The following TEKTL1 variants were observed in gnomAD, a reference collection of about 807,000 sequenced individuals.
TEKTL1 encodes the protein tektin-like protein 1.
At chr19:15,021,549 G>A in the TEKTL1 span, 1 of 1,613,430 alleles carries the variant, frequency 6.2e-7, no homozygotes, top group Non-Finnish European at 8.5e-7. Context: ...CTGCGGGCCA[G>A]GGTGGGACAG....
chr19:15,019,489 A>G, the TEKTL1 span, among the ~76,000 whole-genome samples: 4 of 152,214 alleles, frequency 2.6e-5, no homozygotes, highest in Non-Finnish European at 5.9e-5. Flanking sequence ...ATCACATTGC[A>G]TGCCATAAAT....
chr19:15,013,717 C>T, the TEKTL1 span: 1 of 1,613,770 alleles, frequency 6.2e-7, no homozygotes, highest in South Asian at 1.1e-5. Flanking sequence ...GAAAGAGGAG[C>T]TGAAAAGCAT....
the TEKTL1 span, chr19:15,011,245 C>T: frequency 2.7e-6 from 4 of 1,499,922 alleles, no homozygotes; most frequent in Admixed American, 4.8e-5. Context: ...CCGCCCGCCT[C>T]GGCCGCGCGC....
At chr19:15,011,064 G>T in the TEKTL1 span, 1 of 1,577,046 alleles carries the variant, frequency 6.3e-7, no homozygotes, top group Non-Finnish European at 8.6e-7. Context: ...ATGATCAAAG[G>T]CGGCGGCACC....
chr19:15,022,433 A>T, the TEKTL1 span, among the ~76,000 whole-genome samples: 1 of 151,968 alleles, frequency 6.6e-6, no homozygotes, highest in Non-Finnish European at 1.5e-5. Context: ...GGTTCAAGCG[A>T]TTCTCCTGCC....
the TEKTL1 span, among the ~76,000 whole-genome samples, chr19:15,015,123 G>T: frequency 6.6e-6 from 1 of 152,154 alleles, no homozygotes; most frequent in African/African-American, 2.4e-5. Flanking sequence ...GGAGTTCAAG[G>T]CTGCAGTGAG....
the TEKTL1 span, chr19:15,023,055 G>T: frequency 1.2e-6 from 2 of 1,611,598 alleles, no homozygotes; most frequent in South Asian, 1.1e-5. Context: ...CAGGCGCAGC[G>T]CCTGGTTAAG....
At chr19:15,020,426 T>C in the TEKTL1 span, 3 of 1,589,202 alleles carry the variant, frequency 1.9e-6, no homozygotes, top group South Asian at 1.1e-5. Flanking sequence ...AACCTCCCAG[T>C]TCTCACTCTG....
chr19:15,012,933 C>A, the TEKTL1 span, among the ~76,000 whole-genome samples: 4 of 151,752 alleles, frequency 2.6e-5, no homozygotes, highest in African/African-American at 9.7e-5. Context: ...GAAACTCCCC[C>A]CCAGAATGTT....
the TEKTL1 span, chr19:15,010,953 C>T: frequency 6.3e-7 from 1 of 1,590,452 alleles, no homozygotes. Context: ...GGGCAGGAGG[C>T]GGTGACCATG....
the TEKTL1 span, chr19:15,010,911 C>T: frequency 6.4e-7 from 1 of 1,573,206 alleles, no homozygotes; most frequent in South Asian, 1.2e-5. Flanking sequence ...CAGGCCATGG[C>T]GAGGACCGCG....
the TEKTL1 span, chr19:15,010,854 G>C: frequency 6.5e-7 from 1 of 1,548,520 alleles, no homozygotes; most frequent in East Asian, 2.4e-5. Flanking sequence ...CCGGCTGAGC[G>C]CAGCCAGGAC....
chr19:15,013,568 A>G, the TEKTL1 span: 1 of 792,530 alleles, frequency 1.3e-6, no homozygotes, highest in Non-Finnish European at 2.0e-6. Context: ...TCATCCTTCA[A>G]ACTCAGAGTT....
At chr19:15,020,307 CAA>C in the TEKTL1 span, among the ~76,000 whole-genome samples, 32 of 139,098 alleles carry the variant, frequency 2.3e-4, no homozygotes, top group South Asian at 4.5e-4. Context: ...GATTTTGTCT[CAA>C]AAAAAAAAAA....
At chr19:15,016,893 A>G in the TEKTL1 span, among the ~76,000 whole-genome samples, 1 of 152,142 alleles carries the variant, frequency 6.6e-6, no homozygotes, top group Non-Finnish European at 1.5e-5. Flanking sequence ...TAGGATGGAA[A>G]TTTATCAACT....
At chr19:15,013,900 T>C in the TEKTL1 span, 2 of 631,148 alleles carry the variant, frequency 3.2e-6, no homozygotes, top group South Asian at 1.9e-5. Flanking sequence ...TGACCAGATA[T>C]TCACTGCATT....
chr19:15,012,928 T>TC, the TEKTL1 span, among the ~76,000 whole-genome samples: 49,673 of 150,320 alleles, frequency 0.33, 8,311 homozygotes, highest in Non-Finnish European at 0.37. Context: ...CAGGTGAAAC[T>TC]CCCCCCCAGA....
chr19:15,023,055 G>A, the TEKTL1 span: 2 of 1,611,600 alleles, frequency 1.2e-6, no homozygotes, highest in East Asian at 4.5e-5. Context: ...CAGGCGCAGC[G>A]CCTGGTTAAG....
chr19:15,021,835 C>G, the TEKTL1 span: 23 of 1,613,922 alleles, frequency 1.4e-5, no homozygotes, highest in Non-Finnish European at 1.8e-5. Flanking sequence ...ACCTGGAGAC[C>G]GCAGAAAAGC....
Sources: allele counts gnomAD v4.1 joint callset (sites outside exome capture counted in the v4.1 genomes callset), GRCh38; gene constraint gnomAD v4.1.1; transcripts MANE v1.5; gene names NCBI Gene and HGNC (gene_info 2026-07-23, HGNC 2026-07-21).